DZIP1: variants seen among roughly 807,000 people sequenced by gnomAD.
DZIP1 encodes DAZ interacting zinc finger protein 1.
A neutral mutation model predicts 107.6 loss-of-function variants in DZIP1; 97 were observed. The observed-to-expected ratio is 0.90, with a 90% CI of 0.77 to 1.07. The LOEUF (loss-of-function observed/expected upper bound fraction) is 1.07. Ranked by LOEUF, DZIP1 falls within the 50% of genes least tolerant of loss-of-function variation. The pLI is 0.00. For missense variants in DZIP1, 1,035 were observed against 1,063.6 expected (o/e 0.97, Z 0.37); for synonymous variants, 390 against 386.4 (o/e 1.01, Z -0.11).
chr13:95,588,922 G>A (rs1431825010), intron 19 of DZIP1, among the ~76,000 whole-genome samples: 2 of 152,142 alleles, frequency 1.3e-5, no homozygotes, highest in Admixed American at 6.5e-5. Flanking sequence ...GAATGACTCA[G>A]GTGTCTTGCT....
chr13:95,635,028 G>T (rs1266967294), intron 5 of DZIP1, among the ~76,000 whole-genome samples: 1 of 151,898 alleles, frequency 6.6e-6, no homozygotes. Context: ...TTTTGCTGAA[G>T]GGGCTGAAGC....
intron 12 of DZIP1, 132 bp from the exon 13 acceptor site, chr13:95,609,645 A>G (rs1185042005): frequency 2.1e-6 from 1 of 480,358 alleles, no homozygotes. Flanking sequence ...CATCACCAGG[A>G]GAATAAATAT....
intron 12 of DZIP1, among the ~76,000 whole-genome samples, chr13:95,610,105 T>TGAGA (rs1214599623): frequency 0.024 from 2,875 of 119,034 alleles, 110 homozygotes; most frequent in Non-Finnish European, 0.027. Flanking sequence ...TGTGTGTGTG[T>TGAGA]GTGTGTGAGA....
chr13:95,616,189 TG>T (rs1875040098), intron 10 of DZIP1, among the ~76,000 whole-genome samples: 1 of 152,172 alleles, frequency 6.6e-6, no homozygotes, highest in African/African-American at 2.4e-5. Context: ...TAAAATATGC[TG>T]GGAGGTGAAC....
At position 95,641,157 on chromosome 13, in the gene DZIP1, T is replaced by G; in HGVS notation, c.597+138A>C. The G allele has an allele frequency of 8.1e-7, 1 of 1,231,248 alleles. No individual in the cohort carries two copies. The highest frequency in any genetic ancestry group is 1.1e-6 in the Non-Finnish European group (1 of 919,176). 76.3% of individuals were successfully genotyped at this position (1,231,248 alleles called of 1,614,324 possible). A position where few individuals can be genotyped will look rare whatever the true frequency, so the allele number is the denominator to read the frequency against. On this transcript the variant is annotated intron_variant, in intron 5 of 22. Coordinates refer to ENST00000376829, the MANE Select transcript of DZIP1 (RefSeq NM_198968.4). The surrounding 1 kb of genome is among the most constrained non-coding windows in gnomAD (Gnocchi z 4.3). Reference sequence around the variant, plus strand: ...TGACATTTGTTGGTTAAATGACTGTTTTTGCTTAAATATACTGTGTCTTCT... The same window carrying G: ...TGACATTTGTTGGTTAAATGACTGTGTTTGCTTAAATATACTGTGTCTTCT...
intron 14 of DZIP1, among the ~76,000 whole-genome samples, chr13:95,604,640 A>G (rs1328014651): frequency 2.6e-5 from 4 of 152,208 alleles, no homozygotes; most frequent in Non-Finnish European, 4.4e-5. Flanking sequence ...GACAGCTTTA[A>G]TGTACCTACC....
intron 7 of DZIP1, among the ~76,000 whole-genome samples, chr13:95,629,390 G>A (rs934228015): frequency 6.6e-6 from 1 of 152,180 alleles, no homozygotes; most frequent in African/African-American, 2.4e-5. Flanking sequence ...AGCACCCAAT[G>A]GGCTGACACA....
At chr13:95,615,891 T>C (rs1432467842) in intron 10 of DZIP1, among the ~76,000 whole-genome samples, 1 of 152,218 alleles carries the variant, frequency 6.6e-6, no homozygotes, top group East Asian at 1.9e-4. Context: ...CTTAAGTATA[T>C]GGCAACTACA....
In DZIP1 at chr13:95,606,732, T is replaced by C. The variant is rs143372423; in HGVS notation, c.1421-673A>G. ...TGCAAAATAAACCAGTTTTAAAAAG[T>C]ACTCTAATCACTGGGCTGGAAGACA... On this transcript the variant is annotated intron_variant, in intron 13 of 22. Coordinates refer to ENST00000376829, the MANE Select transcript of DZIP1 (RefSeq NM_198968.4). Among the ~76,000 whole-genome samples, 746 of 152,334 alleles carry C rather than the reference T, an allele frequency of 4.9e-3. 4 individuals are homozygous for C. The highest frequency in any genetic ancestry group is 7.2e-3 in the Non-Finnish European group (489 of 68,038).
At chr13:95,600,629 T>TAGATAGATAGACAGAC (rs147121754) in intron 14 of DZIP1, among the ~76,000 whole-genome samples, 113 of 147,564 alleles carry the variant, frequency 7.7e-4, no homozygotes, top group Admixed American at 2.0e-3. Flanking sequence ...GATAGATAGA[T>TAGATAGATAGACAGAC]AGACAGACAG....
intron 11 of DZIP1, 33 bp downstream of exon 11, chr13:95,612,004 A>G: frequency 6.2e-7 from 1 of 1,606,682 alleles, no homozygotes; most frequent in East Asian, 2.2e-5. Flanking sequence ...CGTTGCTTAA[A>G]GAAGCACGGT....
chr13:95,591,765 C>T (rs2044318850), intron 16 of DZIP1, among the ~76,000 whole-genome samples: 1 of 152,196 alleles, frequency 6.6e-6, no homozygotes, highest in Non-Finnish European at 1.5e-5. Context: ...GTACAAATGT[C>T]AATCCTTCCT....
At chr13:95,640,027 T>G (rs140472360) in intron 5 of DZIP1, among the ~76,000 whole-genome samples, 1 of 150,914 alleles carries the variant, frequency 6.6e-6, no homozygotes, top group Non-Finnish European at 1.5e-5. Flanking sequence ...AGATTCTCAC[T>G]CTGTTGCCAG....
chr13:95,611,666 C>T (rs976614300), intron 11 of DZIP1, among the ~76,000 whole-genome samples, 173 bp from the exon 12 acceptor site: 1 of 152,156 alleles, frequency 6.6e-6, no homozygotes, highest in Non-Finnish European at 1.5e-5. Flanking sequence ...CCAAACCTCA[C>T]CATCACACAA....
chr13:95,628,881 A>C (rs969502636), intron 7 of DZIP1, among the ~76,000 whole-genome samples: 2 of 152,200 alleles, frequency 1.3e-5, no homozygotes, highest in Admixed American at 1.3e-4. Flanking sequence ...GGAGTGGAGC[A>C]CTGTTTAATG....
intron 5 of DZIP1, among the ~76,000 whole-genome samples, chr13:95,637,719 C>T (rs1877989359): frequency 6.6e-6 from 1 of 152,106 alleles, no homozygotes; most frequent in Non-Finnish European, 1.5e-5. Context: ...AGAGAGGCCT[C>T]ACCAGGAACC....
At chr13:95,585,633 G>A (rs149371155) in intron 21 of DZIP1, among the ~76,000 whole-genome samples, 2 of 152,248 alleles carry the variant, frequency 1.3e-5, no homozygotes, top group African/African-American at 4.8e-5. Context: ...GCTCCCAAGT[G>A]GAGCTAAACC....
chr13:95,612,291 C>T (rs778959712), intron 10 of DZIP1, 114 bp from the exon 11 acceptor site: 31 of 1,154,270 alleles, frequency 2.7e-5, no homozygotes, highest in African/African-American at 7.8e-5. Context: ...GCTATCCGTG[C>T]GCATCAAGTC....
chr13:95,610,255 C>G (rs982415516), intron 12 of DZIP1, among the ~76,000 whole-genome samples: 1 of 151,856 alleles, frequency 6.6e-6, no homozygotes, highest in Non-Finnish European at 1.5e-5. Flanking sequence ...CAAACAGCCA[C>G]AGTTGAGAAT....
Sources: allele counts gnomAD v4.1 joint callset (sites outside exome capture counted in the v4.1 genomes callset), GRCh38; gene constraint gnomAD v4.1.1; non-coding constraint Gnocchi (gnomAD v3.1); transcripts MANE v1.5; gene names NCBI Gene and HGNC (gene_info 2026-07-23, HGNC 2026-07-21).